The following ROBO1 variants were observed in gnomAD, a reference collection of about 807,000 sequenced individuals.
ROBO1 encodes roundabout guidance receptor 1.
ROBO1 carries 149 observed loss-of-function variants against 195.9 expected under a neutral mutation model. That is an observed-to-expected ratio of 0.76 (90% CI 0.67 to 0.87). The LOEUF (loss-of-function observed/expected upper bound fraction) is 0.87, where lower values mean the gene tolerates loss of function less well. ROBO1 is among the 40% of genes least tolerant of loss of function. ROBO1 has a pLI of 0.00. For missense variants in ROBO1, 1,933 were observed against 2,068.3 expected (o/e 0.93, Z 1.27); for synonymous variants, 816 against 733.2 (o/e 1.11, Z -1.82).
chr3:78,680,024 G>A lies in ROBO1; in HGVS notation c.1342+5722C>T, dbSNP rs542880205. On this transcript the variant is annotated intron_variant, in intron 10 of 30. Transcript: ENST00000464233. Reference sequence around the variant, plus strand: ...ACAGAACACAAGCCTCAGAAATAACGCCGCATATCTACAACTATCTGATCT... The same window carrying A: ...ACAGAACACAAGCCTCAGAAATAACACCGCATATCTACAACTATCTGATCT... 6.6e-5 allele frequency among the ~76,000 whole-genome samples: 10 copies of A among 152,128 alleles called. No individual in the cohort carries two copies. In the South Asian group the frequency reaches 1.9e-3, roughly 28 times the overall value.
chr3:79,766,492 C>T (rs927728636), intron 1 of ROBO1, among the ~76,000 whole-genome samples: 2 of 151,724 alleles, frequency 1.3e-5, no homozygotes, highest in Non-Finnish European at 2.9e-5. Context: ...ATTTTAGCGG[C>T]CAGGTGTGAG....
chr3:79,630,304 G>A (rs551681498), intron 1 of ROBO1, among the ~76,000 whole-genome samples: 3 of 151,876 alleles, frequency 2.0e-5, no homozygotes, highest in African/African-American at 7.3e-5. Flanking sequence ...TGATCAAGTG[G>A]GTTTTATTCC....
chr3:79,739,534 T>C (rs1453458513), intron 1 of ROBO1, among the ~76,000 whole-genome samples: 1 of 152,132 alleles, frequency 6.6e-6, no homozygotes, highest in Non-Finnish European at 1.5e-5. Context: ...ATGATGTTCA[T>C]ATATTACATT....
chr3:79,661,133 A>G (rs1946316115), intron 1 of ROBO1, among the ~76,000 whole-genome samples: 1 of 151,848 alleles, frequency 6.6e-6, no homozygotes, highest in African/African-American at 2.4e-5. Context: ...CTTTTATCCT[A>G]CCTTCCTGGA....
chr3:79,419,236 G>A (rs775574281), intron 2 of ROBO1, among the ~76,000 whole-genome samples: 5 of 152,142 alleles, frequency 3.3e-5, no homozygotes, highest in Non-Finnish European at 7.4e-5. Flanking sequence ...GAACAGTACA[G>A]TATCAGCAAA....
chr3:79,455,278 C>T (rs1381059443), intron 2 of ROBO1, among the ~76,000 whole-genome samples: 1 of 152,008 alleles, frequency 6.6e-6, no homozygotes, highest in East Asian at 1.9e-4. Flanking sequence ...GGTGAAATGC[C>T]ACATTTAACA....
At chr3:79,095,359 C>T (rs1559654871) in intron 3 of ROBO1, among the ~76,000 whole-genome samples, 1 of 152,022 alleles carries the variant, frequency 6.6e-6, no homozygotes, top group Non-Finnish European at 1.5e-5. Flanking sequence ...CTTTATCTCT[C>T]TTGGATTATT....
intron 1 of ROBO1, among the ~76,000 whole-genome samples, chr3:79,626,588 A>G (rs1945188018): frequency 6.6e-6 from 1 of 152,224 alleles, no homozygotes; most frequent in African/African-American, 2.4e-5. Context: ...GAAAATCATT[A>G]TAAGACAAGG....
At chr3:79,639,792 C>A (rs1434897351) in intron 1 of ROBO1, among the ~76,000 whole-genome samples, 1 of 152,138 alleles carries the variant, frequency 6.6e-6, no homozygotes, top group Non-Finnish European at 1.5e-5. Flanking sequence ...AAACTGCTAG[C>A]TAGTACTTCT....
At chr3:79,331,152 A>C (rs1399006149) in intron 2 of ROBO1, among the ~76,000 whole-genome samples, 1 of 152,236 alleles carries the variant, frequency 6.6e-6, no homozygotes, top group Non-Finnish European at 1.5e-5. Context: ...TGCTTGAAAG[A>C]GCAGAACTTT....
chr3:78,654,439 C>T (rs1220258012), intron 18 of ROBO1, among the ~76,000 whole-genome samples: 1 of 152,180 alleles, frequency 6.6e-6, no homozygotes, highest in Admixed American at 6.5e-5. Context: ...TCTGGTTATC[C>T]TAAGCACTTC....
Position 79,622,867 on chromosome 3 carries a change from C to T in ROBO1, c.-50-32906G>A, listed in dbSNP as rs139917659. Reference sequence around the variant, plus strand: ...CCCTGTACCACCCAACTGAGTGAGACCCTCCAACAGGGGTATTCAGACACA... The same window carrying T: ...CCCTGTACCACCCAACTGAGTGAGATCCTCCAACAGGGGTATTCAGACACA... On this transcript the variant is annotated intron_variant, in intron 1 of 30. Transcript: ENST00000464233. 2.3e-3 allele frequency among the ~76,000 whole-genome samples: 354 copies of T among 152,282 alleles called. 5 individuals are homozygous for T. Among genetic ancestry groups the T allele is most frequent in the African/African-American group, 7.3e-3 (302 of 41,550 alleles).
intron 2 of ROBO1, among the ~76,000 whole-genome samples, chr3:79,556,485 C>T (rs1035760949): frequency 2.0e-5 from 3 of 152,006 alleles, no homozygotes; most frequent in Non-Finnish European, 4.4e-5. Flanking sequence ...ATTGTAATTT[C>T]CACTCACCAA....
intron 2 of ROBO1, among the ~76,000 whole-genome samples, chr3:79,445,244 C>T (rs1398541028): frequency 6.6e-6 from 1 of 151,428 alleles, no homozygotes; most frequent in Non-Finnish European, 1.5e-5. Flanking sequence ...ATATCCACAC[C>T]AATGCATATA....
chr3:79,389,393 C>T (rs560799466), intron 2 of ROBO1, among the ~76,000 whole-genome samples: 37 of 152,090 alleles, frequency 2.4e-4, no homozygotes, highest in African/African-American at 7.2e-4. Context: ...TCTTTGTGTG[C>T]GTTGCAGGGT....
At chr3:79,427,579 T>C (rs571783968) in intron 2 of ROBO1, among the ~76,000 whole-genome samples, 1 of 152,230 alleles carries the variant, frequency 6.6e-6, no homozygotes, top group East Asian at 1.9e-4. Context: ...GCTTTGGCAC[T>C]GGCATAAAGT....
intron 2 of ROBO1, among the ~76,000 whole-genome samples, chr3:79,539,383 T>C (rs540448665): frequency 6.6e-6 from 1 of 152,228 alleles, no homozygotes; most frequent in Non-Finnish European, 1.5e-5. Flanking sequence ...GTAAGTTGTT[T>C]TACAAAAGAA....
At chr3:79,672,638 C>A (rs1946664476) in intron 1 of ROBO1, among the ~76,000 whole-genome samples, 1 of 151,776 alleles carries the variant, frequency 6.6e-6, no homozygotes. Context: ...CATAAGGATG[C>A]ATTTTATTAA....
rs79134186 is a variant in ROBO1 at position 78,713,459 on chromosome 3, C to T, written c.1045+938G>A. On this transcript the variant is annotated intron_variant, in intron 8 of 30. Coordinates refer to ENST00000464233, the MANE Select transcript of ROBO1 (RefSeq NM_002941.4). The stretch of plus-strand genomic sequence containing the variant: ...GCTAAATGGTTTATGGCCAGAACTT[C>T]CATTTACTATATATACTGTCAAAAC... Among the ~76,000 whole-genome samples, 1,183 of 152,068 alleles carry T rather than the reference C, an allele frequency of 7.8e-3. 7 individuals carry two copies. The highest frequency in any genetic ancestry group is 0.027 in the African/African-American group (1,132 of 41,460).
Sources: gnomAD v4.1 joint callset for allele counts (sites outside exome capture counted in the v4.1 genomes callset) on GRCh38, gnomAD v4.1.1 for gene constraint, MANE v1.5 for transcripts, NCBI Gene and HGNC (gene_info 2026-07-23, HGNC 2026-07-21) for gene names.